The following CFAP20DC variants were observed in gnomAD, a reference collection of about 807,000 sequenced individuals.
The protein encoded by CFAP20DC is CFAP20 domain containing, also known as protein CFAP20DC.
CFAP20DC carries 84 observed loss-of-function variants against 101.7 expected under a neutral mutation model. The observed-to-expected ratio is 0.83, with a 90% CI of 0.69 to 0.99. CFAP20DC has a LOEUF of 0.99. Ranked by LOEUF, CFAP20DC falls within the 50% of genes least tolerant of loss-of-function variation. The pLI is 0.00. For missense variants in CFAP20DC, 1,007 were observed against 970.3 expected (o/e 1.04, Z -0.50); for synonymous variants, 359 against 351.2 (o/e 1.02, Z -0.25).
At chr3:58,991,585 G>T (rs1423446180) in intron 4 of CFAP20DC, among the ~76,000 whole-genome samples, 1 of 152,242 alleles carries the variant, frequency 6.6e-6, no homozygotes, top group Non-Finnish European at 1.5e-5. Context: ...CGGGGTAGGG[G>T]GAAGTTATGG....
intron 3 of CFAP20DC, chr3:58,727,906 A>G (rs548532826): frequency 1.3e-5 from 2 of 152,300 alleles, no homozygotes; most frequent in Admixed American, 6.5e-5. Context: ...TGCTATGTAG[A>G]GTGGAAAAAA....
chr3:58,785,304 G>A (rs370642825), intron 15 of CFAP20DC, among the ~76,000 whole-genome samples: 19 of 152,062 alleles, frequency 1.2e-4, no homozygotes, highest in African/African-American at 4.1e-4. Context: ...GAGCGGGGAT[G>A]AAGACAGGTT....
chr3:58,858,823 T>C (rs1009595290), intron 12 of CFAP20DC, among the ~76,000 whole-genome samples: 4 of 152,226 alleles, frequency 2.6e-5, no homozygotes, highest in African/African-American at 9.6e-5. Flanking sequence ...CACCTTTTAG[T>C]TGAACATCAG....
chr3:58,817,494 C>A (rs2075283624), intron 14 of CFAP20DC, among the ~76,000 whole-genome samples: 1 of 146,558 alleles, frequency 6.8e-6, no homozygotes, highest in Non-Finnish European at 1.5e-5. Flanking sequence ...GTGAAGAATG[C>A]AGAAGCCTCA....
chr3:58,759,331 G>A (rs2069295261), intron 15 of CFAP20DC, among the ~76,000 whole-genome samples: 1 of 152,228 alleles, frequency 6.6e-6, no homozygotes, highest in Non-Finnish European at 1.5e-5. Flanking sequence ...CTGCATAAAT[G>A]TCTTCTTTTG....
intron 4 of CFAP20DC, among the ~76,000 whole-genome samples, chr3:59,009,194 C>G (rs923115799): frequency 1.3e-5 from 2 of 151,938 alleles, no homozygotes; most frequent in African/African-American, 4.8e-5. Flanking sequence ...AAAATAAATT[C>G]AAGAACAATT....
At position 58,832,326 on chromosome 3, in the gene CFAP20DC, G is replaced by T. The variant is rs78362416; in HGVS notation, c.1972-437C>A. 3.0e-3 allele frequency among the ~76,000 whole-genome samples: 462 copies of T among 152,270 alleles called. 6 individuals carry two copies. Among genetic ancestry groups the T allele is most frequent in the African/African-American group, 0.011 (443 of 41,552 alleles). On this transcript the variant is annotated intron_variant, in intron 13 of 16. Coordinates refer to ENST00000482387, the MANE Select transcript of CFAP20DC (RefSeq NM_001394063.1). ...CAGTTGCACTGATGGAATTGTTTCT[G>T]GAGTTGGCAGGTTTGCTGGGAGCTC...
intron 7 of CFAP20DC, among the ~76,000 whole-genome samples, 154 bp downstream of exon 7, chr3:58,884,391 G>A (rs950484291): frequency 6.6e-6 from 1 of 152,184 alleles, no homozygotes; most frequent in African/African-American, 2.4e-5. Context: ...AGTAATCTGA[G>A]TTTGTAGCCC....
chr3:58,990,754 G>GGTGTGTGTGTGT (rs71091398), intron 4 of CFAP20DC, among the ~76,000 whole-genome samples: 1,883 of 144,024 alleles, frequency 0.013, 53 homozygotes, highest in African/African-American at 0.046. Context: ...ATGCTCAGCT[G>GGTGTGTGTGTGT]GTGTGTGTGT....
intron 15 of CFAP20DC, among the ~76,000 whole-genome samples, chr3:58,758,463 T>C: frequency 6.6e-6 from 1 of 152,126 alleles, no homozygotes; most frequent in Non-Finnish European, 1.5e-5. Context: ...CTGCTTGCTG[T>C]TCCACCATTT....
At chr3:58,865,392 A>G (rs2079599981) in intron 11 of CFAP20DC, among the ~76,000 whole-genome samples, 2 of 152,204 alleles carry the variant, frequency 1.3e-5, no homozygotes, top group Non-Finnish European at 2.9e-5. Context: ...CTTACCTGTA[A>G]AAAGGGTGAT....
intron 4 of CFAP20DC, among the ~76,000 whole-genome samples, chr3:58,950,647 A>C (rs1235643217): frequency 6.6e-6 from 1 of 152,192 alleles, no homozygotes; most frequent in Non-Finnish European, 1.5e-5. Context: ...CCTGAGAAAA[A>C]CAAGAAATAG....
intron 15 of CFAP20DC, among the ~76,000 whole-genome samples, chr3:58,754,413 C>T (rs1307033980): frequency 6.6e-6 from 1 of 152,108 alleles, no homozygotes; most frequent in African/African-American, 2.4e-5. Context: ...TTCCTTCCTA[C>T]TGCACTCTTC....
intron 6 of CFAP20DC, among the ~76,000 whole-genome samples, chr3:58,885,575 C>T (rs1409555420): frequency 6.6e-6 from 1 of 151,084 alleles, no homozygotes; most frequent in East Asian, 1.9e-4. Flanking sequence ...TCTAGCCATA[C>T]ATTTGTATTC....
At chr3:59,034,217 A>G (rs1019178405) in intron 4 of CFAP20DC, among the ~76,000 whole-genome samples, 1 of 152,166 alleles carries the variant, frequency 6.6e-6, no homozygotes, top group African/African-American at 2.4e-5. Context: ...AAAAGGAAAA[A>G]CTGGTACCAG....
chr3:59,018,281 A>C (rs1014343114), intron 4 of CFAP20DC: 2 of 152,152 alleles, frequency 1.3e-5, no homozygotes, highest in Admixed American at 1.3e-4. Flanking sequence ...TAACCATTAC[A>C]GTAATAATTA....
downstream of CFAP20DC, among the ~76,000 whole-genome samples, chr3:58,739,585 A>G (rs2067835909): frequency 6.6e-6 from 1 of 152,256 alleles, no homozygotes; most frequent in Non-Finnish European, 1.5e-5. Context: ...GATCTAATCT[A>G]TAGCAATGGT....
chr3:58,798,413 G>C (rs1015652078), intron 15 of CFAP20DC, among the ~76,000 whole-genome samples: 8 of 152,194 alleles, frequency 5.3e-5, no homozygotes, highest in African/African-American at 1.9e-4. Context: ...TCGAAGATGT[G>C]GCTGAATTGC....
At chr3:58,911,741 T>C (rs2084179711) in intron 6 of CFAP20DC, among the ~76,000 whole-genome samples, 5 of 152,156 alleles carry the variant, frequency 3.3e-5, no homozygotes. Flanking sequence ...TATTTCCTTC[T>C]TGTTAATTTT....
Sources: allele counts gnomAD v4.1 joint callset (sites outside exome capture counted in the v4.1 genomes callset), GRCh38; gene constraint gnomAD v4.1.1; transcripts MANE v1.5; gene names NCBI Gene and HGNC (gene_info 2026-07-23, HGNC 2026-07-21).